PLPP1: variants seen among roughly 807,000 people sequenced by gnomAD.
PLPP1 encodes lipid phosphate phosphohydrolase 1a.
Under a neutral mutation model 31.2 loss-of-function variants are expected in PLPP1, and 24 were observed. The ratio of observed to expected loss-of-function variants is 0.77; its 90% CI spans 0.56 to 1.08. The LOEUF (loss-of-function observed/expected upper bound fraction) is 1.08, where lower values mean the gene tolerates loss of function less well. PLPP1 is among the 50% of genes least tolerant of loss of function. PLPP1 has a pLI of 0.00. For synonymous variants in PLPP1, 146 were observed against 126.3 expected (o/e 1.16, Z -1.05); for missense variants, 319 against 342.7 (o/e 0.93, Z 0.55).
chr5:55,439,749 C>T (rs780957637), intron 4 of PLPP1, among the ~76,000 whole-genome samples: 5 of 152,052 alleles, frequency 3.3e-5, no homozygotes, highest in South Asian at 2.1e-4. Flanking sequence ...ATTACACAGA[C>T]GTTAATGGGT....
intron 1 of PLPP1, among the ~76,000 whole-genome samples, chr5:55,515,556 A>G (rs1753537877): frequency 1.3e-5 from 2 of 152,252 alleles, no homozygotes; most frequent in South Asian, 2.1e-4. Context: ...TCAGCTTCCA[A>G]CTCACCACTG....
intron 1 of PLPP1, among the ~76,000 whole-genome samples, chr5:55,490,147 T>TTA (rs1561243848): frequency 7.1e-6 from 1 of 141,478 alleles, no homozygotes; most frequent in African/African-American, 2.6e-5. Flanking sequence ...TTCTTTTCTT[T>TTA]TTTTTTTTTT....
rs35303375 is a variant in PLPP1, at chr5:55,491,860, GAAAAA to G, written c.59-16415_59-16411del. The stretch of plus-strand genomic sequence containing the variant: ...CCAACAGAGCAAGACTCAATCTCAG[GAAAAA>G]AAAAAAAAAAAGAAAGAAAAGAAAG... On this transcript the variant is annotated intron_variant, in intron 1 of 5. Transcript: ENST00000307259. 1.8e-4 allele frequency among the ~76,000 whole-genome samples: 18 copies of G among 102,276 alleles called. No homozygotes were observed. The South Asian group carries it at 3.1e-3, about 18-fold the overall frequency. The allele number at this position is 102,276 out of a possible 152,430, so 67.1% of individuals were successfully genotyped here. A position where few individuals can be genotyped will look rare whatever the true frequency, so the allele number is the denominator to read the frequency against.
intron 1 of PLPP1, among the ~76,000 whole-genome samples, chr5:55,477,985 A>G (rs1465433096): frequency 6.6e-6 from 1 of 151,764 alleles, no homozygotes; most frequent in Middle Eastern, 3.2e-3. Context: ...GTCTTAAAAA[A>G]AAAAAAAGAA....
rs141358971 is a variant in PLPP1, at chr5:55,527,341, T to C, written c.58+7231A>G. On this transcript the variant is annotated intron_variant, in intron 1 of 5. Transcript: ENST00000307259. ...AAGCAACAGGGACCCCACAACCATC[T>C]AGCATTGGTTGCAAATGTTTTTGCA... 4.5e-3 allele frequency among the ~76,000 whole-genome samples: 683 copies of C among 152,308 alleles called. 8 individuals are homozygous for C. Among genetic ancestry groups the C allele is most frequent in the Middle Eastern group, 0.027 (8 of 294 alleles).
At chr5:55,500,331 A>G (rs560203450) in intron 1 of PLPP1, among the ~76,000 whole-genome samples, 1 of 152,300 alleles carries the variant, frequency 6.6e-6, no homozygotes, top group South Asian at 2.1e-4. Context: ...CCCCTGCCTC[A>G]GCCTCCCAAA....
At chr5:55,429,353 T>G (rs1308268593) in intron 4 of PLPP1, among the ~76,000 whole-genome samples, 1 of 151,982 alleles carries the variant, frequency 6.6e-6, no homozygotes, top group Non-Finnish European at 1.5e-5. Context: ...TAAGAGAGAA[T>G]GCTGGAATTT....
intron 1 of PLPP1, among the ~76,000 whole-genome samples, chr5:55,529,649 T>C (rs1740586531): frequency 6.6e-6 from 1 of 152,192 alleles, no homozygotes; most frequent in Admixed American, 6.5e-5. Flanking sequence ...ACGATTTTCT[T>C]ATAGTTGAAT....
Position 55,475,469 on chromosome 5 carries a change from T to A in PLPP1, c.59-19A>T. The A allele has an allele frequency of 1.9e-6, 3 of 1,575,044 alleles. No homozygotes were observed. The highest frequency in any genetic ancestry group is 2.4e-5 in the South Asian group (2 of 85,068). ...AATCCAGCTAGCAAAAGGGAATAAA[T>A]GAAAATATCATTAAAAAAGAAATAT... On this transcript the variant is annotated intron_variant, in intron 1 of 5. Coordinates refer to ENST00000307259, the MANE Select transcript of PLPP1 (RefSeq NM_003711.4).
At chr5:55,470,913 A>T (rs1186225493) in intron 2 of PLPP1, among the ~76,000 whole-genome samples, 1 of 152,236 alleles carries the variant, frequency 6.6e-6, no homozygotes, top group South Asian at 2.1e-4. Context: ...TGAAGTTCAA[A>T]GCTAATAATT....
At chr5:55,445,756 G>A (rs2111723127) in intron 3 of PLPP1, among the ~76,000 whole-genome samples, 1 of 151,952 alleles carries the variant, frequency 6.6e-6, no homozygotes, top group South Asian at 2.1e-4. Context: ...TGTTGCCCAG[G>A]CTGGCCTCAA....
In PLPP1 at chr5:55,467,969, A is replaced by G. The variant is rs1752340306; in HGVS notation, c.391T>C (p.Leu131=). 1.9e-6 allele frequency: 3 copies of G among 1,614,218 alleles called. No homozygotes were observed. The African/African-American group carries it at 4.0e-5, about 22-fold the overall frequency. The change falls in exon 3 of 6, where the codon TTG becomes CTG. Residue 131 remains leucine (L), a synonymous_variant. Transcript: ENST00000307259. ...GACCAATCTGGATCACAAACATCCA[A>G]GAAGTGAGGCCGCAGTCTGCCTATT... ...YSIGRLRPHF[L]DVCDPDWSKI... is the part of the protein sequence containing the mutation.
intron 1 of PLPP1, among the ~76,000 whole-genome samples, chr5:55,481,053 C>T (rs1363362983): frequency 1.3e-5 from 2 of 152,178 alleles, no homozygotes; most frequent in Non-Finnish European, 2.9e-5. Flanking sequence ...TGGTAACTTA[C>T]TGCTTCCACA....
At chr5:55,498,120 C>T (rs910407607) in intron 1 of PLPP1, among the ~76,000 whole-genome samples, 1 of 151,816 alleles carries the variant, frequency 6.6e-6, no homozygotes, top group African/African-American at 2.4e-5. Context: ...AACAAAGGGG[C>T]TATTTATAGA....
chr5:55,457,724 A>C (rs1479423035), intron 3 of PLPP1, among the ~76,000 whole-genome samples: 1 of 152,096 alleles, frequency 6.6e-6, no homozygotes, highest in Non-Finnish European at 1.5e-5. Flanking sequence ...CCCCATCTCT[A>C]CTAAAAATAC....
At chr5:55,467,738 A>G (rs1310340420) in intron 3 of PLPP1, 131 bp downstream of exon 3, 2 of 1,003,600 alleles carry the variant, frequency 2.0e-6, no homozygotes, top group South Asian at 1.7e-5. Flanking sequence ...CAATTCATAC[A>G]AGATCAAAAT....
Position 55,430,895 on chromosome 5 carries a change from T to C in PLPP1, c.550-4856A>G, listed in dbSNP as rs191754168. On this transcript the variant is annotated intron_variant, in intron 4 of 5. Transcript: ENST00000307259. ...ATGAATGAGAAAATTCCCAAAGACATAGATATAAAAAAAAATTCTGAAATT... is the reference window on the plus strand; with the variant it reads ...ATGAATGAGAAAATTCCCAAAGACACAGATATAAAAAAAAATTCTGAAATT... 7.2e-5 allele frequency among the ~76,000 whole-genome samples: 11 copies of C among 151,732 alleles called. No homozygotes were observed. The East Asian group carries it at 2.1e-3, about 29-fold the overall frequency.
At chr5:55,496,554 T>C (rs1753007159) in intron 1 of PLPP1, among the ~76,000 whole-genome samples, 1 of 152,218 alleles carries the variant, frequency 6.6e-6, no homozygotes, top group Non-Finnish European at 1.5e-5. Flanking sequence ...ATATCTCTTG[T>C]TGATTTTCTA....
chr5:55,528,767 G>A (rs1740558706), intron 1 of PLPP1, among the ~76,000 whole-genome samples: 1 of 152,030 alleles, frequency 6.6e-6, no homozygotes, highest in Admixed American at 6.6e-5. Flanking sequence ...TATATTAGCA[G>A]CAAACTACTG....
Sources: allele counts gnomAD v4.1 joint callset (sites outside exome capture counted in the v4.1 genomes callset), GRCh38; gene constraint gnomAD v4.1.1; transcripts MANE v1.5; gene names NCBI Gene and HGNC (gene_info 2026-07-23, HGNC 2026-07-21).